ANKMY1: variants seen among roughly 807,000 people sequenced by gnomAD.
ANKMY1 encodes ankyrin repeat and MYND domain-containing protein 1.
A neutral mutation model predicts 102.0 loss-of-function variants in ANKMY1; 98 were observed. The observed-to-expected ratio is 0.96, with a 90% CI of 0.82 to 1.14. The LOEUF (loss-of-function observed/expected upper bound fraction) is 1.14. ANKMY1 is among the 50% of genes most tolerant of loss of function. The pLI is 0.00. For missense variants in ANKMY1, 1,330 were observed against 1,347.6 expected (o/e 0.99, Z 0.20); for synonymous variants, 582 against 559.9 (o/e 1.04, Z -0.56).
At chr2:240,511,029 G>C (rs1245162244) in intron 11 of ANKMY1, among the ~76,000 whole-genome samples, 2 of 151,816 alleles carry the variant, frequency 1.3e-5, no homozygotes, top group Non-Finnish European at 2.9e-5. Flanking sequence ...GCCCCAAGAA[G>C]ACCCAACAGA....
upstream of ANKMY1, chr2:240,560,716 C>T: frequency 6.6e-7 from 1 of 1,525,394 alleles, no homozygotes; most frequent in Non-Finnish European, 8.7e-7. Flanking sequence ...CGCCGCGGGG[C>T]CGCCTCGCCC....
the ANKMY1 span, among the ~76,000 whole-genome samples, chr2:240,469,974 G>A: frequency 6.6e-6 from 1 of 151,950 alleles, no homozygotes; most frequent in Admixed American, 6.6e-5. Context: ...GCCTATGCAC[G>A]TGCACACATG....
chr2:240,515,563 G>T lies in ANKMY1; in HGVS notation c.2005-2621C>A, dbSNP rs567723706. 3.3e-5 allele frequency among the ~76,000 whole-genome samples: 5 copies of T among 151,912 alleles called. No individual in the cohort carries two copies. In the South Asian group the frequency reaches 6.2e-4, roughly 19 times the overall value. ...AAAAAAGAAAAAGAAAATTGTAAAAGGTTATAAACGTTTTATGGAAGTCTT... is the reference window on the plus strand; with the variant it reads ...AAAAAAGAAAAAGAAAATTGTAAAATGTTATAAACGTTTTATGGAAGTCTT... On this transcript the variant is annotated intron_variant, in intron 9 of 17. Transcript: ENST00000401804.
At chr2:240,541,188 G>A (rs1161718437) in intron 4 of ANKMY1, among the ~76,000 whole-genome samples, 1 of 152,178 alleles carries the variant, frequency 6.6e-6, no homozygotes, top group African/African-American at 2.4e-5. Context: ...TCTTTTGTGA[G>A]TGCCAGACAG....
In ANKMY1 at chr2:240,506,507, G is replaced by T. The variant is rs908708291; in HGVS notation, c.2526+1053C>A. 6.6e-6 allele frequency among the ~76,000 whole-genome samples: 1 copy of T among 152,152 alleles called. No homozygotes were observed. Among genetic ancestry groups the T allele is most frequent in the African/African-American group, 2.4e-5 (1 of 41,406 alleles). On this transcript the variant is annotated intron_variant, in intron 13 of 17. Coordinates refer to ENST00000401804, the MANE Select transcript of ANKMY1 (RefSeq NM_001282771.3). The surrounding 1 kb of genome is among the most constrained non-coding windows in gnomAD (Gnocchi z 4.9). ...GGACAGGAGACTTAAAATCAGATCT[G>T]GAAACAGCATCTCAAGATAAGTCTC...
intron 15 of ANKMY1, among the ~76,000 whole-genome samples, chr2:240,487,346 T>C (rs958446612): frequency 5.9e-5 from 9 of 152,246 alleles, no homozygotes; most frequent in African/African-American, 1.9e-4. Flanking sequence ...TTCCATTGTG[T>C]ATATATACCA....
chr2:240,557,523 G>T, intron 1 of ANKMY1, 171 bp from the exon 2 acceptor site: 1 of 645,712 alleles, frequency 1.5e-6, no homozygotes, highest in Non-Finnish European at 2.3e-6. Context: ...ATCCCTGGGA[G>T]TCCTCAGGGA....
intron 15 of ANKMY1, among the ~76,000 whole-genome samples, chr2:240,486,496 G>C (rs982041664): frequency 6.6e-6 from 1 of 151,990 alleles, no homozygotes; most frequent in African/African-American, 2.4e-5. Context: ...CCTACCTTAA[G>C]TTACTTGCTT....
At position 240,557,367 on chromosome 2, in the gene ANKMY1, A is replaced by G; in HGVS notation, c.-17-15T>C. The G allele has an allele frequency of 6.8e-7, 1 of 1,462,506 alleles. No homozygotes were observed. Among genetic ancestry groups the G allele is most frequent in the Admixed American group, 2.4e-5 (1 of 42,270 alleles). The allele number at this position is 1,462,506 out of a possible 1,614,324, so 90.6% of individuals were successfully genotyped here. On this transcript the variant is annotated splice_polypyrimidine_tract_variant and intron_variant, in intron 1 of 17. Coordinates refer to ENST00000401804, the MANE Select transcript of ANKMY1 (RefSeq NM_001282771.3). ...GGTCTTCCAACCTGCAAGCGACGTC[A>G]GGACCGCACATGTGCCCCCAGGGCT...
chr2:240,516,150 G>GTTTT (rs386393036), intron 9 of ANKMY1, among the ~76,000 whole-genome samples: 7 of 145,222 alleles, frequency 4.8e-5, no homozygotes, highest in East Asian at 4.0e-4. Context: ...TTTTTGTGGG[G>GTTTT]TTTTTTTTTT....
chr2:240,525,522 T>G (rs2083184812), intron 7 of ANKMY1, among the ~76,000 whole-genome samples, 163 bp downstream of exon 7: 1 of 152,172 alleles, frequency 6.6e-6, no homozygotes, highest in African/African-American at 2.4e-5. Flanking sequence ...TCAGGGTCCC[T>G]TAGGGGATGC....
intron 10 of ANKMY1, 114 bp downstream of exon 10, chr2:240,512,688 C>G: frequency 7.3e-7 from 1 of 1,366,646 alleles, no homozygotes; most frequent in Non-Finnish European, 9.8e-7. Flanking sequence ...TGCCCAGGCC[C>G]CAAGCCAGGA....
chr2:240,556,274 G>C, intron 2 of ANKMY1, among the ~76,000 whole-genome samples: 1 of 152,182 alleles, frequency 6.6e-6, no homozygotes, highest in Non-Finnish European at 1.5e-5. Flanking sequence ...AAAGCCACAA[G>C]AGGCCTCTGA....
chr2:240,555,197 C>A, intron 2 of ANKMY1, 142 bp from the exon 3 acceptor site: 1 of 862,380 alleles, frequency 1.2e-6, no homozygotes, highest in Admixed American at 2.6e-5. Flanking sequence ...CCCCACTCCA[C>A]TTGGAGAGAA....
chr2:240,555,347 C>T (rs772264966), intron 2 of ANKMY1: 8 of 421,790 alleles, frequency 1.9e-5, no homozygotes, highest in Admixed American at 3.6e-5. Context: ...GGCCTGCTGG[C>T]GGCATCTCCT....
intron 8 of ANKMY1, among the ~76,000 whole-genome samples, chr2:240,521,263 C>T (rs981636831): frequency 2.0e-5 from 3 of 152,164 alleles, no homozygotes; most frequent in Non-Finnish European, 2.9e-5. Flanking sequence ...CTAGATCGTC[C>T]TTGAGCACTT....
At chr2:240,526,686 C>T (rs1445196203) in intron 5 of ANKMY1, 23 of 1,413,108 alleles carry the variant, frequency 1.6e-5, no homozygotes, top group Non-Finnish European at 1.6e-5. Flanking sequence ...ATATGTCTGT[C>T]CCGACAGGAA....
intron 4 of ANKMY1, chr2:240,532,089 A>C: frequency 2.1e-6 from 1 of 469,360 alleles, no homozygotes; most frequent in Non-Finnish European, 4.4e-6. Context: ...TGAAGAAATA[A>C]CAGTTGAGAA....
intron 10 of ANKMY1, among the ~76,000 whole-genome samples, chr2:240,512,580 A>C (rs986723113): frequency 3.3e-5 from 5 of 152,232 alleles, no homozygotes; most frequent in African/African-American, 4.8e-5. Context: ...TCAAGTTCTT[A>C]ACTCATTCCA....
Sources: gnomAD v4.1 joint callset for allele counts (sites outside exome capture counted in the v4.1 genomes callset) on GRCh38, gnomAD v4.1.1 for gene constraint, Gnocchi (gnomAD v3.1) non-coding constraint, MANE v1.5 for transcripts, NCBI Gene and HGNC (gene_info 2026-07-23, HGNC 2026-07-21) for gene names.